RICTOR: variants seen among roughly 807,000 people sequenced by gnomAD.
RICTOR encodes RPTOR independent companion of MTOR complex 2, also known as rapamycin-insensitive companion of mTOR.
RICTOR carries 49 observed loss-of-function variants against 214.9 expected under a neutral mutation model. That is an observed-to-expected ratio of 0.23 (90% CI 0.18 to 0.29). The LOEUF (loss-of-function observed/expected upper bound fraction) is 0.29, where lower values mean the gene tolerates loss of function less well. RICTOR is among the 10% of genes least tolerant of loss of function. RICTOR has a pLI of 1.00. For missense variants in RICTOR, 1,625 were observed against 2,047.0 expected, an observed-to-expected ratio of 0.79 and a Z score of 3.98; for synonymous variants, 717 against 711.3, an observed-to-expected ratio of 1.01 and a Z score of -0.13.
At chr5:39,031,901 C>T (rs1756303614) in intron 2 of RICTOR, among the ~76,000 whole-genome samples, 1 of 152,168 alleles carries the variant, frequency 6.6e-6, no homozygotes, top group African/African-American at 2.4e-5. Context: ...AGAAGCAAAA[C>T]TATCTCCACT....
At chr5:39,031,048 T>C (rs539707244) in intron 2 of RICTOR, among the ~76,000 whole-genome samples, 43 of 152,314 alleles carry the variant, frequency 2.8e-4, no homozygotes, top group Middle Eastern at 3.4e-3. Context: ...TCTCTTCTTC[T>C]AGGCTTCATA....
intron 3 of RICTOR, among the ~76,000 whole-genome samples, chr5:39,016,091 C>A (rs1410767244): frequency 6.6e-6 from 1 of 152,084 alleles, no homozygotes; most frequent in African/African-American, 2.4e-5. Context: ...TTAGAATAGA[C>A]AAATTCTAAT....
intron 10 of RICTOR, among the ~76,000 whole-genome samples, chr5:38,972,524 C>T (rs1189983044): frequency 1.3e-5 from 2 of 152,114 alleles, no homozygotes; most frequent in South Asian, 2.1e-4. Flanking sequence ...TATCATTAGT[C>T]ATCAGGGAAA....
intron 27 of RICTOR, among the ~76,000 whole-genome samples, chr5:38,953,914 CATACTT>C (rs974865000): frequency 4.0e-5 from 6 of 151,818 alleles, no homozygotes; most frequent in Non-Finnish European, 7.4e-5. Context: ...ACTAAATAAT[CATACTT>C]ATTCTTTAAA....
At chr5:39,011,443 T>C (rs974888243) in intron 3 of RICTOR, among the ~76,000 whole-genome samples, 3 of 152,116 alleles carry the variant, frequency 2.0e-5, no homozygotes, top group African/African-American at 7.2e-5. Context: ...AAGTCCCCAC[T>C]GGGTACTGCC....
intron 2 of RICTOR, 26 bp downstream of exon 2, chr5:39,074,085 G>A: frequency 6.7e-7 from 1 of 1,492,558 alleles, no homozygotes; most frequent in Non-Finnish European, 9.1e-7. Context: ...GCGCGCCCTC[G>A]CGGCGCCCGC....
In RICTOR at chr5:39,071,347, C is replaced by CA. The variant is rs377131650; in HGVS notation, c.97+2763dup. Among the ~76,000 whole-genome samples, 986 of 145,632 alleles carry CA rather than the reference C, an allele frequency of 6.8e-3. 13 individuals carry two copies. The highest frequency in any genetic ancestry group is 0.022 in the African/African-American group (883 of 39,740). On this transcript the variant is annotated intron_variant, in intron 2 of 37. Coordinates refer to ENST00000357387, the MANE Select transcript of RICTOR (RefSeq NM_152756.5). Reference sequence around the variant, plus strand: ...ACCCAATTAGTATAACAGTATGTTTCAAAAAAAAAAGAAGCTCGAATACCA... The same window carrying CA: ...ACCCAATTAGTATAACAGTATGTTTCAAAAAAAAAAAGAAGCTCGAATACCA...
intron 32 of RICTOR, 134 bp from the exon 33 acceptor site, chr5:38,946,686 G>A: frequency 1.7e-6 from 1 of 600,594 alleles, no homozygotes; most frequent in Non-Finnish European, 3.0e-6. Context: ...GTTTACTGAA[G>A]GTTCAACTAC....
chr5:39,000,622 C>G (rs1753541900), intron 5 of RICTOR, among the ~76,000 whole-genome samples: 2 of 151,718 alleles, frequency 1.3e-5, no homozygotes, highest in Non-Finnish European at 2.9e-5. Context: ...CTATTCAGTG[C>G]AATATTCTAA....
intron 2 of RICTOR, among the ~76,000 whole-genome samples, chr5:39,057,826 G>GTA (rs1171571606): frequency 1.1e-4 from 17 of 152,034 alleles, no homozygotes; most frequent in Non-Finnish European, 1.9e-4. Context: ...CTTCCAAAGA[G>GTA]TGTATGTATA....
At chr5:39,012,655 C>T (rs779560196) in intron 3 of RICTOR, among the ~76,000 whole-genome samples, 3 of 152,122 alleles carry the variant, frequency 2.0e-5, no homozygotes, top group Non-Finnish European at 4.4e-5. Context: ...AAATGTAATT[C>T]TGACTACCCT....
At chr5:39,034,394 C>T (rs1756502251) in intron 2 of RICTOR, among the ~76,000 whole-genome samples, 3 of 152,334 alleles carry the variant, frequency 2.0e-5, no homozygotes, top group Admixed American at 2.0e-4. Context: ...ATGAGCAATG[C>T]AGAAGATGGG....
intron 24 of RICTOR, 47 bp downstream of exon 24, chr5:38,958,396 A>G: frequency 7.9e-7 from 1 of 1,259,436 alleles, no homozygotes. Context: ...ATACACTGCC[A>G]AAGAACACAA....
chr5:39,003,802 G>A (rs1753825173), intron 3 of RICTOR, among the ~76,000 whole-genome samples, 180 bp from the exon 4 acceptor site: 1 of 152,062 alleles, frequency 6.6e-6, no homozygotes, highest in Non-Finnish European at 1.5e-5. Flanking sequence ...TGACCTGCCA[G>A]TTTTAAGTTT....
chr5:39,016,418 A>C (rs1197667698), intron 3 of RICTOR, among the ~76,000 whole-genome samples: 1 of 151,808 alleles, frequency 6.6e-6, no homozygotes, highest in African/African-American at 2.4e-5. Flanking sequence ...GAAGGGGCGA[A>C]AGGAAGAAGT....
chr5:39,006,949 C>G (rs1754127705), intron 3 of RICTOR, among the ~76,000 whole-genome samples: 1 of 152,140 alleles, frequency 6.6e-6, no homozygotes, highest in Non-Finnish European at 1.5e-5. Flanking sequence ...TTTGTTTTTA[C>G]TGTCTTGTAC....
At chr5:38,961,991 A>AT (rs1379601202) in intron 19 of RICTOR, among the ~76,000 whole-genome samples, 1 of 152,116 alleles carries the variant, frequency 6.6e-6, no homozygotes, top group East Asian at 1.9e-4. Flanking sequence ...TATTAAAAAT[A>AT]TAAGTCCTTA....
intron 5 of RICTOR, 118 bp downstream of exon 5, chr5:39,002,415 TAC>T (rs200895890): frequency 0.27 from 100,483 of 378,822 alleles, 7,110 homozygotes; most frequent in East Asian, 0.32. Context: ...TATATATATA[TAC>T]ACACACACAA....
intron 2 of RICTOR, among the ~76,000 whole-genome samples, chr5:39,069,624 A>G (rs924777843): frequency 1.3e-5 from 2 of 152,226 alleles, no homozygotes; most frequent in Admixed American, 1.3e-4. Flanking sequence ...TGGGGGGACT[A>G]CAAAATCAGT....
Sources: gnomAD v4.1 joint callset for allele counts (sites outside exome capture counted in the v4.1 genomes callset) on GRCh38, gnomAD v4.1.1 for gene constraint, MANE v1.5 for transcripts, NCBI Gene and HGNC (gene_info 2026-07-23, HGNC 2026-07-21) for gene names.